LDB2: variants seen among roughly 807,000 people sequenced by gnomAD.
LDB2 encodes the protein LIM domain binding 2, also known as LIM domain-binding protein 2.
A neutral mutation model predicts 44.3 loss-of-function variants in LDB2; 12 were observed. The ratio of observed to expected loss-of-function variants is 0.27; its 90% CI spans 0.17 to 0.44. The LOEUF (loss-of-function observed/expected upper bound fraction) is 0.44, where lower values mean the gene tolerates loss of function less well. Ranked by LOEUF, LDB2 falls within the 20% of genes least tolerant of loss-of-function variation. LDB2 has a pLI of 1.00. For synonymous variants in LDB2, 164 were observed against 174.8 expected (o/e 0.94, Z 0.49); for missense variants, 344 against 473.5 (o/e 0.73, Z 2.54).
chr4:16,528,816 T>A (rs1452608376), intron 5 of LDB2, among the ~76,000 whole-genome samples: 1 of 152,146 alleles, frequency 6.6e-6, no homozygotes, highest in Non-Finnish European at 1.5e-5. Context: ...AGGGGCTTCA[T>A]GAGGCTGAAG....
chr4:16,835,144 G>A (rs1266146225), intron 1 of LDB2, among the ~76,000 whole-genome samples: 1 of 152,074 alleles, frequency 6.6e-6, no homozygotes, highest in Admixed American at 6.6e-5. Context: ...CATAAATCAA[G>A]GTAATATTTA....
intron 1 of LDB2, among the ~76,000 whole-genome samples, chr4:16,766,925 T>G (rs1441163465): frequency 6.6e-6 from 1 of 152,220 alleles, no homozygotes; most frequent in Non-Finnish European, 1.5e-5. Context: ...GTTCCTAATT[T>G]TTTGGTCATC....
chr4:16,850,974 G>GTGTGTGTGTGTA (rs1210528128), intron 1 of LDB2, among the ~76,000 whole-genome samples: 1 of 151,754 alleles, frequency 6.6e-6, no homozygotes, highest in East Asian at 1.9e-4. Flanking sequence ...GTGTGTGTGT[G>GTGTGTGTGTGTA]TGTATTGGGG....
intron 2 of LDB2, among the ~76,000 whole-genome samples, chr4:16,641,880 C>G (rs1406345760): frequency 6.6e-6 from 1 of 152,134 alleles, no homozygotes; most frequent in Non-Finnish European, 1.5e-5. Flanking sequence ...GCCAGGGCAC[C>G]TGCCTTAATA....
At chr4:16,686,006 C>T (rs772781898) in intron 2 of LDB2, among the ~76,000 whole-genome samples, 13 of 151,984 alleles carry the variant, frequency 8.6e-5, no homozygotes, top group Non-Finnish European at 5.9e-5. Context: ...GAGCTGAGAT[C>T]GTGCCACTGC....
chr4:16,569,664 A>C (rs1380096821), intron 5 of LDB2, among the ~76,000 whole-genome samples: 1 of 152,038 alleles, frequency 6.6e-6, no homozygotes, highest in Admixed American at 6.6e-5. Context: ...CCATCCCTCC[A>C]TCCATCCATC....
chr4:16,858,175 A>C (rs1363540548), intron 1 of LDB2, among the ~76,000 whole-genome samples: 1 of 152,184 alleles, frequency 6.6e-6, no homozygotes, highest in Non-Finnish European at 1.5e-5. Flanking sequence ...ATTATTCCCC[A>C]CTTTACAGAT....
At chr4:16,516,987 G>C (rs1723993062) in intron 5 of LDB2, among the ~76,000 whole-genome samples, 1 of 152,184 alleles carries the variant, frequency 6.6e-6, no homozygotes, top group Admixed American at 6.5e-5. Flanking sequence ...GCTGTAGGTG[G>C]CAGAACTAAC....
At chr4:16,603,650 T>A (rs755013362) in intron 2 of LDB2, among the ~76,000 whole-genome samples, 17 of 152,184 alleles carry the variant, frequency 1.1e-4, no homozygotes, top group Non-Finnish European at 2.1e-4. Context: ...ATGTCAGCAT[T>A]TTCATAACTG....
intron 2 of LDB2, among the ~76,000 whole-genome samples, chr4:16,749,083 A>G (rs1255159719): frequency 6.6e-6 from 1 of 152,202 alleles, no homozygotes; most frequent in Non-Finnish European, 1.5e-5. Context: ...AGATGCATTC[A>G]ATAAGATTCA....
At chr4:16,575,804 C>G (rs1227618394) in intron 5 of LDB2, among the ~76,000 whole-genome samples, 1 of 152,240 alleles carries the variant, frequency 6.6e-6, no homozygotes. Context: ...GCGGCACAAT[C>G]TCAGCTCACT....
At chr4:16,635,983 T>G (rs1733485924) in intron 2 of LDB2, among the ~76,000 whole-genome samples, 1 of 152,148 alleles carries the variant, frequency 6.6e-6, no homozygotes, top group African/African-American at 2.4e-5. Flanking sequence ...TCTAGACGAG[T>G]GGAGGCTCTC....
intron 1 of LDB2, among the ~76,000 whole-genome samples, chr4:16,833,054 A>C (rs1784311438): frequency 6.6e-6 from 1 of 152,222 alleles, no homozygotes. Flanking sequence ...CCACTGTTGG[A>C]CAAAAATAAA....
At chr4:16,884,665 CT>C (rs1447792394) in intron 1 of LDB2, among the ~76,000 whole-genome samples, 1 of 152,188 alleles carries the variant, frequency 6.6e-6, no homozygotes, top group Non-Finnish European at 1.5e-5. Context: ...TCAGTAAGCT[CT>C]TTTAAGAGAA....
At chr4:16,529,708 A>T (rs1729474363) in intron 5 of LDB2, among the ~76,000 whole-genome samples, 1 of 152,078 alleles carries the variant, frequency 6.6e-6, no homozygotes, top group South Asian at 2.1e-4. Flanking sequence ...CTTTGAGAGC[A>T]TCCTTGTCCC....
At chr4:16,793,058 T>C (rs1487450037) in intron 1 of LDB2, among the ~76,000 whole-genome samples, 4 of 152,242 alleles carry the variant, frequency 2.6e-5, no homozygotes, top group East Asian at 1.9e-4. Flanking sequence ...GTTATATAAG[T>C]AGAGGTTGAA....
rs530826005 is a variant in LDB2, at chr4:16,732,124, GA to G, written c.235+27033del. 6.1e-4 allele frequency among the ~76,000 whole-genome samples: 93 copies of G among 152,298 alleles called. 1 individual carries two copies. The East Asian group carries it at 0.017, about 28-fold the overall frequency. On this transcript the variant is annotated intron_variant, in intron 2 of 7. Coordinates refer to ENST00000304523, the MANE Select transcript of LDB2 (RefSeq NM_001290.5). ...TATGGATTTGAACCTGCTGCACAGA[GA>G]AAAGGACAGTCCCCCTCCCTAATGA...
intron 1 of LDB2, among the ~76,000 whole-genome samples, chr4:16,845,268 G>C (rs1580173440): frequency 1.3e-5 from 2 of 152,272 alleles, no homozygotes; most frequent in Admixed American, 1.3e-4. Context: ...TTATTAAAGA[G>C]CCGTTTTGGT....
At chr4:16,604,202 C>G (rs1473258396) in intron 2 of LDB2, among the ~76,000 whole-genome samples, 1 of 152,222 alleles carries the variant, frequency 6.6e-6, no homozygotes, top group South Asian at 2.1e-4. Flanking sequence ...TATTTGGATA[C>G]TTAACATTTC....
Sources: gnomAD v4.1 joint callset for allele counts (sites outside exome capture counted in the v4.1 genomes callset) on GRCh38, gnomAD v4.1.1 for gene constraint, MANE v1.5 for transcripts, NCBI Gene and HGNC (gene_info 2026-07-23, HGNC 2026-07-21) for gene names.